Variants in CCSER1 observed in about 807,000 individuals in gnomAD.
CCSER1 encodes the protein coiled-coil serine rich protein 1, also known as serine-rich coiled-coil domain-containing protein 1.
CCSER1 carries 41 observed loss-of-function variants against 82.0 expected under a neutral mutation model. The observed-to-expected ratio is 0.50, with a 90% CI of 0.39 to 0.65. The LOEUF (loss-of-function observed/expected upper bound fraction) is 0.65. CCSER1 is among the 30% of genes least tolerant of loss of function. CCSER1 has a pLI of 0.00. For missense variants in CCSER1, 1,119 were observed against 1,064.2 expected, an observed-to-expected ratio of 1.05 and a Z score of -0.72; for synonymous variants, 414 against 383.9, an observed-to-expected ratio of 1.08 and a Z score of -0.92.
At chr4:90,854,212 T>C (rs917260076) in intron 8 of CCSER1, among the ~76,000 whole-genome samples, 1 of 152,180 alleles carries the variant, frequency 6.6e-6, no homozygotes, top group Non-Finnish European at 1.5e-5. Flanking sequence ...ATGGATATTG[T>C]TGAGTTCTAA....
intron 10 of CCSER1, 28 bp from the exon 11 acceptor site, chr4:91,598,543 CA>C: frequency 6.6e-7 from 1 of 1,513,022 alleles, no homozygotes; most frequent in Non-Finnish European, 8.9e-7. Context: ...TTTTTTAAGA[CA>C]TCTTTTTCTT....
At chr4:90,467,715 A>G (rs1763830519) in intron 4 of CCSER1, among the ~76,000 whole-genome samples, 1 of 152,140 alleles carries the variant, frequency 6.6e-6, no homozygotes, top group Non-Finnish European at 1.5e-5. Context: ...AAAAAAAGAA[A>G]AGAATATGCT....
intron 10 of CCSER1, among the ~76,000 whole-genome samples, chr4:91,167,947 C>T (rs1430621838): frequency 6.7e-6 from 1 of 149,226 alleles, no homozygotes; most frequent in Non-Finnish European, 1.5e-5. Flanking sequence ...TCTGCCCGGC[C>T]ACCACCCCGT....
intron 5 of CCSER1, among the ~76,000 whole-genome samples, chr4:90,548,776 A>G (rs1473381833): frequency 6.6e-6 from 1 of 151,898 alleles, no homozygotes; most frequent in East Asian, 1.9e-4. Flanking sequence ...ATATATACAC[A>G]CACATACACA....
chr4:91,281,607 C>T (rs573223489), intron 10 of CCSER1, among the ~76,000 whole-genome samples: 4 of 152,228 alleles, frequency 2.6e-5, no homozygotes, highest in Admixed American at 6.5e-5. Flanking sequence ...GTAAATGCCT[C>T]GGAACCAGTT....
At chr4:91,255,895 A>G (rs1268562152) in intron 10 of CCSER1, among the ~76,000 whole-genome samples, 1 of 152,174 alleles carries the variant, frequency 6.6e-6, no homozygotes, top group Non-Finnish European at 1.5e-5. Flanking sequence ...TTAACTGCAC[A>G]AATTGTTCGT....
At chr4:91,136,394 T>G (rs1008594408) in intron 10 of CCSER1, among the ~76,000 whole-genome samples, 1 of 152,248 alleles carries the variant, frequency 6.6e-6, no homozygotes, top group African/African-American at 2.4e-5. Flanking sequence ...TACAGTCATC[T>G]GTTTTAATTG....
At chr4:90,437,464 A>G (rs1759194623) in intron 4 of CCSER1, among the ~76,000 whole-genome samples, 1 of 152,188 alleles carries the variant, frequency 6.6e-6, no homozygotes, top group Non-Finnish European at 1.5e-5. Flanking sequence ...AAAAACTTAA[A>G]TTTAGATTTC....
intron 10 of CCSER1, among the ~76,000 whole-genome samples, chr4:91,198,543 TTTCTTAGAAACTTA>T (rs1394125722): frequency 3.3e-5 from 5 of 152,162 alleles, no homozygotes; most frequent in Non-Finnish European, 7.4e-5. Flanking sequence ...GAAGAGGCTA[TTTCTTAGAAACTTA>T]GGAAAGAGTA....
intron 10 of CCSER1, among the ~76,000 whole-genome samples, chr4:91,269,442 A>G (rs2149179599): frequency 6.6e-6 from 1 of 152,324 alleles, no homozygotes; most frequent in African/African-American, 2.4e-5. Context: ...TCTGGGTGCT[A>G]CATAAAAGCT....
intron 10 of CCSER1, among the ~76,000 whole-genome samples, chr4:91,379,050 T>C (rs1750663073): frequency 6.6e-6 from 1 of 152,168 alleles, no homozygotes; most frequent in Admixed American, 6.5e-5. Context: ...TGCTGGATTA[T>C]GTTTATTGAT....
At chr4:90,576,444 C>G (rs1290735795) in intron 5 of CCSER1, among the ~76,000 whole-genome samples, 1 of 152,138 alleles carries the variant, frequency 6.6e-6, no homozygotes, top group Non-Finnish European at 1.5e-5. Flanking sequence ...TTGATAAATG[C>G]ATAATACATG....
intron 10 of CCSER1, among the ~76,000 whole-genome samples, chr4:91,171,685 T>C (rs1732772009): frequency 6.6e-6 from 1 of 151,964 alleles, no homozygotes; most frequent in South Asian, 2.1e-4. Flanking sequence ...CTCTATACTA[T>C]TTTTTTACCT....
chr4:91,362,904 T>C (rs1410687438), intron 10 of CCSER1, among the ~76,000 whole-genome samples: 1 of 151,804 alleles, frequency 6.6e-6, no homozygotes, highest in African/African-American at 2.4e-5. Context: ...GTTGTATTTA[T>C]GTACATGTAC....
chr4:90,616,366 A>T (rs1328813316), intron 5 of CCSER1, among the ~76,000 whole-genome samples: 3 of 152,072 alleles, frequency 2.0e-5, no homozygotes, highest in African/African-American at 7.2e-5. Context: ...CTCTTCTAAC[A>T]AACTGTCGAA....
chr4:90,196,105 T>TG (rs1227666392), intron 1 of CCSER1, among the ~76,000 whole-genome samples: 1 of 151,682 alleles, frequency 6.6e-6, no homozygotes, highest in African/African-American at 2.4e-5. Context: ...GCTTTTTTTT[T>TG]TTTTTTTTGC....
At chr4:91,267,035 A>G (rs1216462530) in intron 10 of CCSER1, among the ~76,000 whole-genome samples, 1 of 152,168 alleles carries the variant, frequency 6.6e-6, no homozygotes, top group Non-Finnish European at 1.5e-5. Flanking sequence ...AACTTTGCAG[A>G]TTTATCTCCT....
intron 6 of CCSER1, among the ~76,000 whole-genome samples, chr4:90,650,041 C>T (rs1258662053): frequency 6.6e-6 from 1 of 152,016 alleles, no homozygotes; most frequent in Non-Finnish European, 1.5e-5. Flanking sequence ...ATAGTGAAAC[C>T]CCGTGTCTAC....
At chr4:91,531,746 C>T (rs1417756832) in intron 10 of CCSER1, among the ~76,000 whole-genome samples, 1 of 152,150 alleles carries the variant, frequency 6.6e-6, no homozygotes, top group African/African-American at 2.4e-5. Context: ...GCTGCATTCT[C>T]ACATGGCAGA....
Sources: allele counts gnomAD v4.1 joint callset (sites outside exome capture counted in the v4.1 genomes callset), GRCh38; gene constraint gnomAD v4.1.1; transcripts MANE v1.5; gene names NCBI Gene and HGNC (gene_info 2026-07-23, HGNC 2026-07-21).